The following CNTNAP2 variants were observed in gnomAD, a reference collection of about 807,000 sequenced individuals.
CNTNAP2 encodes contactin associated protein 2.
A neutral mutation model predicts 155.2 loss-of-function variants in CNTNAP2; 98 were observed. The ratio of observed to expected loss-of-function variants is 0.63; its 90% CI spans 0.54 to 0.75. CNTNAP2 has a LOEUF of 0.75. Among genes scored for constraint, CNTNAP2 ranks in the 30% least tolerant of loss-of-function variants. The pLI is 0.00. For missense variants in CNTNAP2, 1,727 were observed against 1,688.1 expected (o/e 1.02, Z -0.40); for synonymous variants, 651 against 631.2 (o/e 1.03, Z -0.47).
In CNTNAP2 at chr7:148,283,308, G is replaced by GAAAGAAAGAAAGAAAGAAAGA. The variant is rs1563024795; in HGVS notation, c.3475+16184_3475+16185insAGAAAGAAAGAAAGAAAGAAA. On this transcript the variant is annotated intron_variant, in intron 21 of 23. Coordinates refer to ENST00000361727, the MANE Select transcript of CNTNAP2 (RefSeq NM_014141.6). Reference sequence around the variant, plus strand: ...GAAAGAAAGAAAGAAAGAAAGAAAGGAAGGAAGGAAGGAAAGAAAGAAAGA... The same window carrying GAAAGAAAGAAAGAAAGAAAGA: ...GAAAGAAAGAAAGAAAGAAAGAAAGGAAAGAAAGAAAGAAAGAAAGAAAGGAAGGAAGGAAAGAAAGAAAGA... Among the ~76,000 whole-genome samples, 90 of 62,238 alleles carry GAAAGAAAGAAAGAAAGAAAGA rather than the reference G, an allele frequency of 1.4e-3. 3 individuals carry two copies. The highest frequency in any genetic ancestry group is 2.0e-3 in the Non-Finnish European group (69 of 34,402). 40.8% of individuals were successfully genotyped at this position (62,238 alleles called of 152,430 possible).
chr7:146,348,004 C>T (rs1794844083), intron 1 of CNTNAP2, among the ~76,000 whole-genome samples: 1 of 152,154 alleles, frequency 6.6e-6, no homozygotes, highest in South Asian at 2.1e-4. Flanking sequence ...CGAGACTAAA[C>T]AAAAATCTGT....
intron 1 of CNTNAP2, among the ~76,000 whole-genome samples, chr7:146,309,135 G>A (rs1800774477): frequency 6.6e-6 from 1 of 152,088 alleles, no homozygotes; most frequent in Admixed American, 6.6e-5. Context: ...AATGACCAAG[G>A]GCATTGTTTT....
intron 10 of CNTNAP2, among the ~76,000 whole-genome samples, chr7:147,483,583 G>T (rs566892105): frequency 6.6e-6 from 1 of 152,024 alleles, no homozygotes; most frequent in African/African-American, 2.4e-5. Flanking sequence ...TACTTCCCCC[G>T]AATTAATTGA....
At chr7:146,463,825 T>C (rs1262572339) in intron 1 of CNTNAP2, among the ~76,000 whole-genome samples, 1 of 152,062 alleles carries the variant, frequency 6.6e-6, no homozygotes, top group Non-Finnish European at 1.5e-5. Flanking sequence ...AAAAAAATGA[T>C]GGCAGGTTTG....
chr7:146,940,045 T>C (rs1797017555), intron 3 of CNTNAP2, among the ~76,000 whole-genome samples: 1 of 152,164 alleles, frequency 6.6e-6, no homozygotes, highest in Non-Finnish European at 1.5e-5. Flanking sequence ...TTTGGCACAA[T>C]TGCCAATTTA....
At chr7:147,030,650 G>C (rs1799012767) in intron 3 of CNTNAP2, among the ~76,000 whole-genome samples, 1 of 152,086 alleles carries the variant, frequency 6.6e-6, no homozygotes, top group African/African-American at 2.4e-5. Flanking sequence ...TGTAGAATTT[G>C]CCTATTGGTT....
chr7:147,778,486 G>C (rs1436684811), intron 13 of CNTNAP2, among the ~76,000 whole-genome samples: 1 of 152,020 alleles, frequency 6.6e-6, no homozygotes, highest in Non-Finnish European at 1.5e-5. Flanking sequence ...AAAAGAGTTG[G>C]GACTATTATC....
chr7:146,651,088 A>T (rs1799903742), intron 1 of CNTNAP2, among the ~76,000 whole-genome samples: 1 of 152,118 alleles, frequency 6.6e-6, no homozygotes, highest in Admixed American at 6.6e-5. Context: ...TACATAACTG[A>T]GATCACAGGA....
At chr7:146,687,268 T>A (rs538217617) in intron 1 of CNTNAP2, among the ~76,000 whole-genome samples, 1 of 152,266 alleles carries the variant, frequency 6.6e-6, no homozygotes, top group South Asian at 2.1e-4. Flanking sequence ...TGGAATGAAA[T>A]CTTGGCTTAG....
rs1584875745 is a variant in CNTNAP2, at chr7:146,337,147, G to T, written c.97+220174G>T. ...AAGTACCCAGGACCCCCCTGTCTTT[G>T]CACCTTCTAGTGAATTCATAATTAT... On this transcript the variant is annotated intron_variant, in intron 1 of 23. Coordinates refer to ENST00000361727, the MANE Select transcript of CNTNAP2 (RefSeq NM_014141.6). Among the ~76,000 whole-genome samples the T allele has an allele frequency of 3.9e-5, 6 of 152,222 alleles. No homozygotes were observed. In the South Asian group the frequency reaches 1.0e-3, roughly 26 times the overall value.
At chr7:148,367,973 G>A (rs945451537) in intron 21 of CNTNAP2, among the ~76,000 whole-genome samples, 6 of 152,180 alleles carry the variant, frequency 3.9e-5, no homozygotes, top group African/African-American at 1.2e-4. Context: ...CACACAGCGA[G>A]CATTGTCAGA....
At chr7:146,976,599 A>T (rs1157731179) in intron 3 of CNTNAP2, among the ~76,000 whole-genome samples, 1 of 152,180 alleles carries the variant, frequency 6.6e-6, no homozygotes, top group Non-Finnish European at 1.5e-5. Context: ...GGTATGCAGG[A>T]AGGGGCCTGA....
At chr7:146,249,174 C>A (rs368637494) in intron 1 of CNTNAP2, among the ~76,000 whole-genome samples, 1 of 152,070 alleles carries the variant, frequency 6.6e-6, no homozygotes, top group African/African-American at 2.4e-5. Flanking sequence ...TGGATGTGTA[C>A]GTGCAGGTCA....
At chr7:148,314,746 A>G (rs1797657288) in intron 21 of CNTNAP2, among the ~76,000 whole-genome samples, 1 of 152,200 alleles carries the variant, frequency 6.6e-6, no homozygotes, top group Non-Finnish European at 1.5e-5. Context: ...GAAAAGCGGT[A>G]CTTGCCACTA....
chr7:146,373,399 A>AACAC (rs1232875269), intron 1 of CNTNAP2, among the ~76,000 whole-genome samples: 2 of 131,092 alleles, frequency 1.5e-5, no homozygotes, highest in African/African-American at 8.7e-5. Flanking sequence ...AAAGGAACTT[A>AACAC]ACACATACAC....
At chr7:146,276,045 G>A (rs1469465287) in intron 1 of CNTNAP2, among the ~76,000 whole-genome samples, 1 of 152,156 alleles carries the variant, frequency 6.6e-6, no homozygotes, top group African/African-American at 2.4e-5. Flanking sequence ...AAATGTCAGT[G>A]GCACCAGAGG....
intron 18 of CNTNAP2, among the ~76,000 whole-genome samples, chr7:148,183,028 A>G (rs547726874): frequency 6.6e-6 from 1 of 152,204 alleles, no homozygotes; most frequent in East Asian, 1.9e-4. Flanking sequence ...ATTAATAATA[A>G]TTTTATTCCT....
chr7:146,221,792 G>A (rs1236213476), intron 1 of CNTNAP2, among the ~76,000 whole-genome samples: 1 of 152,080 alleles, frequency 6.6e-6, no homozygotes, highest in African/African-American at 2.4e-5. Flanking sequence ...TGTCTATTCA[G>A]GACTGTTTAC....
intron 14 of CNTNAP2, among the ~76,000 whole-genome samples, chr7:147,949,195 C>T (rs1277478916): frequency 3.4e-5 from 5 of 148,600 alleles, no homozygotes; most frequent in Admixed American, 6.7e-5. Flanking sequence ...AGCGAAACTC[C>T]GTCTAAAAAA....
Sources: gnomAD v4.1 joint callset for allele counts (sites outside exome capture counted in the v4.1 genomes callset) on GRCh38, gnomAD v4.1.1 for gene constraint, MANE v1.5 for transcripts, NCBI Gene and HGNC (gene_info 2026-07-23, HGNC 2026-07-21) for gene names.